ZNF521: variants seen among roughly 807,000 people sequenced by gnomAD.
The protein encoded by ZNF521 is zinc finger protein 521.
Under a neutral mutation model 105.5 loss-of-function variants are expected in ZNF521, and 14 were observed. The observed-to-expected ratio is 0.13, with a 90% CI of 0.09 to 0.21. ZNF521 has a LOEUF of 0.21. Ranked by LOEUF, ZNF521 falls within the 10% of genes least tolerant of loss-of-function variation. The pLI is 1.00. For synonymous variants in ZNF521, 635 were observed against 606.0 expected, an observed-to-expected ratio of 1.05 and a Z score of -0.70; for missense variants, 1,233 against 1,629.7, an observed-to-expected ratio of 0.76 and a Z score of 4.19.
intron 3 of ZNF521, among the ~76,000 whole-genome samples, chr18:25,303,880 T>C (rs1911810011): frequency 6.6e-6 from 1 of 152,354 alleles, no homozygotes; most frequent in East Asian, 1.9e-4. Flanking sequence ...GCCATGTCAA[T>C]ACAGAAATAG....
intron 5 of ZNF521, among the ~76,000 whole-genome samples, chr18:25,178,374 C>T (rs367615651): frequency 1.8e-4 from 28 of 152,262 alleles, no homozygotes; most frequent in Middle Eastern, 3.4e-3. Flanking sequence ...CACATCATTC[C>T]GAACAAAGCT....
At chr18:25,264,499 T>C (rs539939129) in intron 3 of ZNF521, among the ~76,000 whole-genome samples, 4 of 152,348 alleles carry the variant, frequency 2.6e-5, no homozygotes, top group African/African-American at 7.2e-5. Flanking sequence ...TATATGATGA[T>C]AATTTGATTC....
rs201474045 is a variant in ZNF521, at chr18:25,226,268, C to A, written c.1650G>T (p.Gly550=). ...CTTCTACTACTGGTTCTTTGGGAGT[C>A]CCAAGCACTGGAGACCCAAATCGGG... ...SGSRFGSPVL[G]TPKEPVVEVY... Residue 550 remains glycine, a synonymous_variant, in exon 4 of 8, where the codon GGG becomes GGT. Coordinates refer to ENST00000361524, the MANE Select transcript of ZNF521 (RefSeq NM_015461.3). This position sits in a 1 kb window ranked among gnomAD's most constrained non-coding sequence, Gnocchi z 4.1. The A allele has an allele frequency of 3.7e-6, 6 of 1,614,124 alleles. No homozygotes were observed. The highest frequency in any genetic ancestry group is 5.1e-6 in the Non-Finnish European group (6 of 1,180,010).
chr18:25,110,381 G>A lies in ZNF521; in HGVS notation c.3659-18300C>T, dbSNP rs569598036. Among the ~76,000 whole-genome samples, 3 of 151,582 alleles carry A rather than the reference G, an allele frequency of 2.0e-5. No individual in the cohort carries two copies. In the South Asian group the frequency reaches 6.2e-4, roughly 32 times the overall value. On this transcript the variant is annotated intron_variant, in intron 5 of 7. Transcript: ENST00000361524. The stretch of plus-strand genomic sequence containing the variant: ...CTGCCTGATCCAAAATCCCAAAAGT[G>A]TGGGGTTTTGTTTTATATGGTTTTT...
At chr18:25,290,774 C>A (rs1600264447) in intron 3 of ZNF521, among the ~76,000 whole-genome samples, 1 of 152,026 alleles carries the variant, frequency 6.6e-6, no homozygotes, top group East Asian at 1.9e-4. Context: ...CCACACCTGG[C>A]TAATTTTTGT....
intron 3 of ZNF521, among the ~76,000 whole-genome samples, chr18:25,244,430 G>C (rs1180031303): frequency 6.6e-6 from 1 of 152,026 alleles, no homozygotes; most frequent in African/African-American, 2.4e-5. Context: ...ACCTCACAGA[G>C]ACTCTGACCA....
At chr18:25,070,792 T>C (rs978413654) in intron 7 of ZNF521, among the ~76,000 whole-genome samples, 2 of 152,088 alleles carry the variant, frequency 1.3e-5, no homozygotes, top group South Asian at 2.1e-4. Flanking sequence ...CAGGGAGATA[T>C]TGAGGAACAC....
At chr18:25,160,088 C>G (rs2035223113) in intron 5 of ZNF521, among the ~76,000 whole-genome samples, 1 of 152,182 alleles carries the variant, frequency 6.6e-6, no homozygotes, top group Admixed American at 6.5e-5. Flanking sequence ...TGCCAGGACA[C>G]TCTTCTGGTT....
intron 2 of ZNF521, among the ~76,000 whole-genome samples, chr18:25,332,949 C>T (rs1913663220): frequency 6.6e-6 from 1 of 152,002 alleles, no homozygotes; most frequent in Non-Finnish European, 1.5e-5. Context: ...AATAGTTGTT[C>T]GTGGAAATGT....
chr18:25,130,834 T>C (rs889297043), intron 5 of ZNF521, among the ~76,000 whole-genome samples: 6 of 151,876 alleles, frequency 4.0e-5, no homozygotes, highest in Admixed American at 2.0e-4. Flanking sequence ...TCCCAGCTAC[T>C]TGGGAGGCTG....
intron 4 of ZNF521, among the ~76,000 whole-genome samples, chr18:25,218,184 G>A (rs1905456493): frequency 6.6e-6 from 1 of 152,148 alleles, no homozygotes; most frequent in South Asian, 2.1e-4. Context: ...CAAATAGGAA[G>A]GGACATGCTA....
chr18:25,226,994 C>A lies in ZNF521; in HGVS notation c.924G>T (p.Lys308Asn). 1 of 1,614,118 alleles carries A rather than the reference C, an allele frequency of 6.2e-7. No individual in the cohort carries two copies. The highest frequency in any genetic ancestry group is 8.5e-7 in the Non-Finnish European group (1 of 1,180,018). ...NHMEQVHSGEKKNSCSICSES... is the reference protein window; with the variant it reads ...NHMEQVHSGENKNSCSICSES... ...CAGAACAAATGCTGCATGAGTTCTT[C>A]TTCTCCCCGCTATGCACCTGCTCCA... Residue 308 changes from lysine (K) to asparagine (N), a missense_variant, in exon 4 of 8, where the codon AAG becomes AAT. Around this residue, in one of 6 missense-constraint regions of ZNF521, gnomAD observed 380 missense variants for 478.0 expected, o/e 0.80. Transcript: ENST00000361524. This position sits in a 1 kb window ranked among gnomAD's most constrained non-coding sequence, Gnocchi z 4.1.
In ZNF521 at chr18:25,227,960, C is replaced by T. The variant is rs1052183228; in HGVS notation, c.221-263G>A. Among the ~76,000 whole-genome samples the T allele has an allele frequency of 6.6e-6, 1 of 152,124 alleles. No individual in the cohort carries two copies. The highest frequency in any genetic ancestry group is 1.5e-5 in the Non-Finnish European group (1 of 68,018). On this transcript the variant is annotated intron_variant, in intron 3 of 7. Transcript: ENST00000361524. The surrounding 1 kb of genome is among the most constrained non-coding windows in gnomAD (Gnocchi z 5.7). Reference sequence around the variant, plus strand: ...AAATTACCCTTTTATTACTTTTTATCATTCTTCCTTAGAAGCAAGGTATAT... The same window carrying T: ...AAATTACCCTTTTATTACTTTTTATTATTCTTCCTTAGAAGCAAGGTATAT...
rs5823467 is a variant in ZNF521, at chr18:25,121,111, A to ATTTT, written c.3659-29034_3659-29031dup. Among the ~76,000 whole-genome samples, 743 of 118,648 alleles carry ATTTT rather than the reference A, an allele frequency of 6.3e-3. 44 individuals carry two copies. The highest frequency in any genetic ancestry group is 0.011 in the East Asian group (44 of 4,046). 77.8% of individuals were successfully genotyped at this position (118,648 alleles called of 152,430 possible). A position where few individuals can be genotyped will look rare whatever the true frequency, so the allele number is the denominator to read the frequency against. ...AATAGAGTGAAAGGGAAGAAGGAGT[A>ATTTT]TTTTTTTTTTTTTTTTTTGAGACAG... is the stretch of plus-strand genomic sequence containing the variant. On this transcript the variant is annotated intron_variant, in intron 5 of 7. Coordinates refer to ENST00000361524, the MANE Select transcript of ZNF521 (RefSeq NM_015461.3).
chr18:25,121,411 C>G (rs921111010), intron 5 of ZNF521, among the ~76,000 whole-genome samples: 2 of 151,874 alleles, frequency 1.3e-5, no homozygotes, highest in Non-Finnish European at 2.9e-5. Context: ...TGCCACCATG[C>G]CTGGCTAATT....
chr18:25,283,138 T>C (rs1202989395), intron 3 of ZNF521, among the ~76,000 whole-genome samples: 1 of 152,238 alleles, frequency 6.6e-6, no homozygotes, highest in Admixed American at 6.5e-5. Flanking sequence ...AGTGTTGGCA[T>C]GAGCCTCTAA....
Position 25,227,330 on chromosome 18 carries a change from G to A in ZNF521, c.588C>T (p.His196=). ...SDHLKIHLKT[H]TSNKPYKCAI... is the part of the protein sequence containing the mutation. ...CACATTTATATGGCTTGTTGGACGT[G>A]TGAGTCTTTAAGTGGATCTTCAAGT... The change falls in exon 4 of 8, where the codon CAC becomes CAT. Residue 196 remains histidine (H), a synonymous_variant. Transcript: ENST00000361524. This position sits in a 1 kb window ranked among gnomAD's most constrained non-coding sequence, Gnocchi z 5.7. 1 of 1,614,154 alleles carries A rather than the reference G, an allele frequency of 6.2e-7. No individual in the cohort carries two copies.
intron 5 of ZNF521, among the ~76,000 whole-genome samples, chr18:25,192,690 CAAAAA>C (rs35255872): frequency 3.3e-4 from 43 of 128,526 alleles, no homozygotes; most frequent in Non-Finnish European, 4.7e-4. Flanking sequence ...TTTGATTAGA[CAAAAA>C]AAAAAAACCA....
intron 3 of ZNF521, among the ~76,000 whole-genome samples, chr18:25,236,207 T>C (rs1413614176): frequency 2.8e-4 from 42 of 152,164 alleles, no homozygotes. Flanking sequence ...ATGCATTTAA[T>C]GAGGAAATTA....
Sources: allele counts gnomAD v4.1 joint callset (sites outside exome capture counted in the v4.1 genomes callset), GRCh38; gene constraint gnomAD v4.1.1; regional missense constraint gnomAD v4.1.1; non-coding constraint Gnocchi (gnomAD v3.1); transcripts MANE v1.5; gene names NCBI Gene and HGNC (gene_info 2026-07-23, HGNC 2026-07-21).